The following ZDHHC20 variants were observed in gnomAD, a reference collection of about 807,000 sequenced individuals.
ZDHHC20 encodes palmitoyltransferase ZDHHC20.
Under a neutral mutation model 57.8 loss-of-function variants are expected in ZDHHC20, and 43 were observed. The ratio of observed to expected loss-of-function variants is 0.74; its 90% CI spans 0.58 to 0.96. The LOEUF (loss-of-function observed/expected upper bound fraction) is 0.96, where lower values mean the gene tolerates loss of function less well. Among genes scored for constraint, ZDHHC20 ranks in the 40% least tolerant of loss-of-function variants. The pLI is 0.00. For synonymous variants in ZDHHC20, 157 were observed against 153.0 expected (o/e 1.03, Z -0.19); for missense variants, 391 against 441.1 (o/e 0.89, Z 1.02).
At chr13:21,423,247 A>G (rs926495651) in intron 2 of ZDHHC20, among the ~76,000 whole-genome samples, 2 of 152,112 alleles carry the variant, frequency 1.3e-5, no homozygotes, top group Non-Finnish European at 1.5e-5. Flanking sequence ...ACTTCCTTCT[A>G]TTTTCAAATG....
intron 6 of ZDHHC20, among the ~76,000 whole-genome samples, chr13:21,401,182 G>A (rs1437248215): frequency 6.6e-6 from 1 of 151,968 alleles, no homozygotes; most frequent in Non-Finnish European, 1.5e-5. Flanking sequence ...GAGAGACTGA[G>A]GTGGAAGAAT....
At chr13:21,408,670 G>C (rs190930805) in intron 4 of ZDHHC20, among the ~76,000 whole-genome samples, 5 of 152,292 alleles carry the variant, frequency 3.3e-5, no homozygotes, top group Admixed American at 3.3e-4. Flanking sequence ...TGGTGAGAGA[G>C]GACATTCTTG....
intron 1 of ZDHHC20, among the ~76,000 whole-genome samples, chr13:21,448,016 G>A (rs1293652673): frequency 8.6e-5 from 9 of 104,114 alleles, no homozygotes; most frequent in Admixed American, 9.7e-5. Context: ...CGGCCGCCCC[G>A]TCTGAGAAGT....
rs550114550 is a variant in ZDHHC20 at position 21,374,458 on chromosome 13, C to A, written c.*2238G>T. On this transcript the variant is annotated 3_prime_UTR_variant, in exon 13 of 13. Coordinates refer to ENST00000400590, the MANE Select transcript of ZDHHC20 (RefSeq NM_001330059.2). Reference sequence around the variant, plus strand: ...CCATTTTGACCAGGCTAATCTCGAACCCCTGACCTCAGGTGATCCGCCAGC... The same window carrying A: ...CCATTTTGACCAGGCTAATCTCGAAACCCTGACCTCAGGTGATCCGCCAGC... The A allele has an allele frequency of 1.4e-4, 62 of 455,290 alleles. No homozygotes were observed. Among genetic ancestry groups the A allele is most frequent in the Admixed American group, 7.8e-4 (33 of 42,558 alleles). The allele number at this position is 455,290 out of a possible 1,614,324, so 28.2% of individuals were successfully genotyped here.
intron 1 of ZDHHC20, among the ~76,000 whole-genome samples, chr13:21,437,150 T>C (rs947125024): frequency 1.3e-5 from 2 of 152,128 alleles, no homozygotes; most frequent in African/African-American, 4.8e-5. Context: ...CTCTTTAATT[T>C]TGTGAAGGCT....
At chr13:21,457,907 T>C (rs1326964287) in intron 1 of ZDHHC20, among the ~76,000 whole-genome samples, 1 of 152,220 alleles carries the variant, frequency 6.6e-6, no homozygotes, top group African/African-American at 2.4e-5. Flanking sequence ...AAATGGTAGA[T>C]TCAGTCTAAG....
intron 11 of ZDHHC20, among the ~76,000 whole-genome samples, chr13:21,380,589 C>T (rs12866134): frequency 5.9e-5 from 9 of 151,400 alleles, no homozygotes; most frequent in African/African-American, 1.9e-4. Context: ...GTCAGGAGAT[C>T]GAGACCATCC....
At chr13:21,431,386 A>G (rs1056837831) in intron 1 of ZDHHC20, among the ~76,000 whole-genome samples, 2 of 152,192 alleles carry the variant, frequency 1.3e-5, no homozygotes, top group Admixed American at 6.5e-5. Context: ...ATTATATCCC[A>G]CTGGGTCCCT....
At chr13:21,387,856 A>C (rs1294620021) in intron 8 of ZDHHC20, among the ~76,000 whole-genome samples, 1 of 152,184 alleles carries the variant, frequency 6.6e-6, no homozygotes, top group African/African-American at 2.4e-5. Flanking sequence ...TAACATGTCA[A>C]AATAATTATC....
In ZDHHC20 at chr13:21,373,912, A is replaced by C. The variant is rs1172946590; in HGVS notation, c.*2784T>G. 6.6e-6 allele frequency: 1 copy of C among 152,352 alleles called. No individual in the cohort carries two copies. The highest frequency in any genetic ancestry group is 1.5e-5 in the Non-Finnish European group (1 of 68,126). 9.4% of individuals were successfully genotyped at this position (152,352 alleles called of 1,614,324 possible). On this transcript the variant is annotated 3_prime_UTR_variant, in exon 13 of 13. Transcript: ENST00000400590. ...AGAACGTGGCAAAATGCTGGCTGTA[A>C]ATTAAATCAAAGATAAGTAATTCAA...
chr13:21,417,171 T>C (rs1880080744), intron 3 of ZDHHC20, among the ~76,000 whole-genome samples: 1 of 151,744 alleles, frequency 6.6e-6, no homozygotes, highest in African/African-American at 2.4e-5. Flanking sequence ...TCCTCGGAGA[T>C]TTATCTGACT....
intron 1 of ZDHHC20, among the ~76,000 whole-genome samples, chr13:21,440,267 T>C (rs1056241065): frequency 6.6e-6 from 1 of 152,082 alleles, no homozygotes; most frequent in African/African-American, 2.4e-5. Flanking sequence ...ATATGACTAT[T>C]GTTTGTACTG....
chr13:21,394,238 G>A (rs1303930666), intron 7 of ZDHHC20, among the ~76,000 whole-genome samples: 1 of 152,152 alleles, frequency 6.6e-6, no homozygotes, highest in East Asian at 1.9e-4. Context: ...GCCTTCTTGT[G>A]TTACTGAAAC....
Position 21,450,060 on chromosome 13 carries a change from A to G in ZDHHC20, c.118+8994T>C, listed in dbSNP as rs578178884. 9.9e-5 allele frequency among the ~76,000 whole-genome samples: 15 copies of G among 152,260 alleles called. No homozygotes were observed. In the South Asian group the frequency reaches 3.1e-3, roughly 32 times the overall value. Reference sequence around the variant, plus strand: ...TGGATTTTAGACATTTAATGACAGAACAAGCTGATTATCCAGATGGAGAAT... The same window carrying G: ...TGGATTTTAGACATTTAATGACAGAGCAAGCTGATTATCCAGATGGAGAAT... On this transcript the variant is annotated intron_variant, in intron 1 of 12. Transcript: ENST00000400590.
At chr13:21,429,210 C>A (rs765284904) in intron 1 of ZDHHC20, among the ~76,000 whole-genome samples, 8 of 152,180 alleles carry the variant, frequency 5.3e-5, no homozygotes, top group Non-Finnish European at 1.2e-4. Flanking sequence ...GAGGGAAAAA[C>A]TGTCACTGGG....
chr13:21,432,617 A>C (rs9509699), intron 1 of ZDHHC20, among the ~76,000 whole-genome samples: 136,242 of 152,160 alleles, frequency 0.9, 61,027 homozygotes, highest in East Asian at 1. Flanking sequence ...CAGGCATGAG[A>C]CATCTCTCCT....
At chr13:21,397,763 T>C (rs1026547496) in intron 7 of ZDHHC20, among the ~76,000 whole-genome samples, 4 of 151,936 alleles carry the variant, frequency 2.6e-5, no homozygotes, top group African/African-American at 9.7e-5. Context: ...AAGAACACAA[T>C]AGAAATTTCA....
In ZDHHC20 at chr13:21,441,605, G is replaced by A. The variant is rs1032895769; in HGVS notation, c.119-15927C>T. On this transcript the variant is annotated intron_variant, in intron 1 of 12. Coordinates refer to ENST00000400590, the MANE Select transcript of ZDHHC20 (RefSeq NM_001330059.2). ...TTTTTAGTAGAGACAGGGTTTCACC[G>A]TGTTAGCCAGGATGGTCTTGATCTC... Among the ~76,000 whole-genome samples the A allele has an allele frequency of 1.2e-4, 15 of 120,764 alleles. 1 individual carries two copies. Among genetic ancestry groups the A allele is most frequent in the African/African-American group, 2.9e-4 (9 of 30,734 alleles). The allele number at this position is 120,764 out of a possible 152,430, so 79.2% of individuals were successfully genotyped here.
chr13:21,418,963 C>T (rs1391463188), intron 3 of ZDHHC20, among the ~76,000 whole-genome samples: 1 of 152,174 alleles, frequency 6.6e-6, no homozygotes, highest in Non-Finnish European at 1.5e-5. Context: ...AGGCATAAGC[C>T]ACCACGCCTG....
Sources: gnomAD v4.1 joint callset for allele counts (sites outside exome capture counted in the v4.1 genomes callset) on GRCh38, gnomAD v4.1.1 for gene constraint, MANE v1.5 for transcripts, NCBI Gene and HGNC (gene_info 2026-07-23, HGNC 2026-07-21) for gene names.